Variants in ACAP3 observed in about 807,000 individuals in gnomAD.
ACAP3 encodes the protein arf-GAP with coiled-coil, ANK repeat and PH domain-containing protein 3.
ACAP3 carries 56 observed loss-of-function variants against 104.1 expected under a neutral mutation model. That is an observed-to-expected ratio of 0.54 (90% CI 0.43 to 0.67). ACAP3 has a LOEUF of 0.67. Ranked by LOEUF, ACAP3 falls within the 30% of genes least tolerant of loss-of-function variation. The pLI is 0.00. For missense variants in ACAP3, 1,208 were observed against 1,174.9 expected (o/e 1.03, Z -0.41); for synonymous variants, 628 against 496.2 (o/e 1.27, Z -3.53).
chr1:1,294,779 A>G lies in ACAP3; in HGVS notation c.1851T>C (p.Asp617=), dbSNP rs759270107. Reference sequence around the variant, plus strand: ...CGAAAGCCAGGACGTCCGAGCTGCCATCCGAGCTGCCCCCAAGGCCACTGT... The same window carrying G: ...CGAAAGCCAGGACGTCCGAGCTGCCGTCCGAGCTGCCCCCAAGGCCACTGT... ...SSDSGLGGSS[D]GSSDVLAFGS... Residue 617 remains aspartate (D), a synonymous_variant, in exon 20 of 24, where the codon GAT becomes GAC. Transcript: ENST00000354700. The G allele has an allele frequency of 3.9e-6, 6 of 1,549,748 alleles. No individual in the cohort carries two copies. Among genetic ancestry groups the G allele is most frequent in the Admixed American group, 2.0e-5 (1 of 50,964 alleles).
intron 11 of ACAP3, 69 bp downstream of exon 11, chr1:1,298,498 A>AG: frequency 5.6e-6 from 3 of 533,162 alleles, no homozygotes; most frequent in Non-Finnish European, 1.0e-5. Context: ...CCACCTGAGG[A>AG]CCCCACCCCC....
At position 1,294,446 on chromosome 1, in the gene ACAP3, C is replaced by T. The variant is rs368485636; in HGVS notation, c.2095G>A (p.Ala699Thr). 3.2e-6 allele frequency: 5 copies of T among 1,574,922 alleles called. No homozygotes were observed. The African/African-American group carries it at 5.5e-5, about 17-fold the overall frequency. ...AGCGGCGTCTTGCCCTCATCCTCCG[C>T]GTCCGCCCAGTTGACCTCGGCCCCG... Reference protein sequence around the residue: ...AHGAEVNWADAEDEGKTPLVQ... With the variant: ...AHGAEVNWADTEDEGKTPLVQ... Residue 699 changes from alanine to threonine, a missense_variant, in exon 21 of 24, where the codon GCG becomes ACG. Physicochemically the swap from Ala to Thr is moderately conservative, Grantham distance 58. Transcript: ENST00000354700.
intron 15 of ACAP3, 59 bp downstream of exon 15, chr1:1,296,366 G>A: frequency 1.3e-6 from 2 of 1,533,954 alleles, no homozygotes; most frequent in Non-Finnish European, 1.7e-6. Flanking sequence ...GCCCTCAGGG[G>A]CCCACCTGTG....
chr1:1,299,700 A>G (rs1156702357), intron 9 of ACAP3, 131 bp downstream of exon 9: 10 of 1,089,178 alleles, frequency 9.2e-6, no homozygotes, highest in Non-Finnish European at 1.2e-5. Flanking sequence ...TTGGTCCCCT[A>G]GAGAGGGTGT....
chr1:1,295,578 A>G (rs779914370), intron 18 of ACAP3, 24 bp from the exon 19 acceptor site: 12 of 1,607,330 alleles, frequency 7.5e-6, no homozygotes, highest in African/African-American at 4.0e-5. Flanking sequence ...GCGTGTTCAG[A>G]GTGTGGAACA....
chr1:1,295,612 C>G (rs1641097696), intron 18 of ACAP3, 58 bp from the exon 19 acceptor site: 1 of 1,580,700 alleles, frequency 6.3e-7, no homozygotes, highest in African/African-American at 1.4e-5. Context: ...GCAGGGAACC[C>G]CAGGTCACGC....
chr1:1,300,588 T>A lies in ACAP3; in HGVS notation c.443A>T (p.His148Leu). ...RNAQAPRHRP[H>L]EVEEATGALT... Reference sequence around the variant, plus strand: ...GGCCCCGGTGGCTTCCTCCACCTCGTGGGGCCGGTGCCTCGGGGCCTGGGC... The same window carrying A: ...GGCCCCGGTGGCTTCCTCCACCTCGAGGGGCCGGTGCCTCGGGGCCTGGGC... The change falls in exon 6 of 24, where the codon CAC becomes CTC. Residue 148 changes from histidine (H) to leucine (L), a missense_variant. Transcript: ENST00000354700. 2.5e-6 allele frequency: 4 copies of A among 1,610,870 alleles called. No individual in the cohort carries two copies. Among genetic ancestry groups the A allele is most frequent in the Non-Finnish European group, 3.4e-6 (4 of 1,179,318 alleles).
rs374627807 is a variant in ACAP3, at chr1:1,293,971, C to G, written c.2250-38G>C. The G allele has an allele frequency of 8.2e-4, 509 of 624,300 alleles. 2 individuals are homozygous for G. Among genetic ancestry groups the G allele is most frequent in the Middle Eastern group, 3.1e-3 (9 of 2,902 alleles). 38.7% of individuals were successfully genotyped at this position (624,300 alleles called of 1,614,324 possible). On this transcript the variant is annotated intron_variant, in intron 22 of 23. Transcript: ENST00000354700. ...GTCGGAGGGGCGTGTCGGGGCGGGG[C>G]GGGGCGGGGCGAGTGTGGTCGCGGG...
At chr1:1,293,993 C>T (rs544372915) in intron 22 of ACAP3, 60 bp from the exon 23 acceptor site, 22,740 of 1,461,774 alleles carry the variant, frequency 0.016, 226 homozygotes, top group South Asian at 0.02. Context: ...AGTGTGGTCG[C>T]GGGGGCGTGG....
At chr1:1,302,123 C>A in intron 4 of ACAP3, 77 bp from the exon 5 acceptor site, 1 of 1,278,056 alleles carries the variant, frequency 7.8e-7, no homozygotes, top group Middle Eastern at 2.3e-4. Flanking sequence ...TCCTCACCAG[C>A]AGAGGGCACT....
Position 1,295,514 on chromosome 1 carries a change from G to A in ACAP3, c.1746C>T (p.Phe582=). The change falls in exon 19 of 24, where the codon TTC becomes TTT. Residue 582 remains phenylalanine (F), a synonymous_variant. Coordinates refer to ENST00000354700, the MANE Select transcript of ACAP3 (RefSeq NM_030649.3). ...AGAGCGAGTCCAGCTCGTCGGGACAGAAGAGGGAGTCTCGGCGGAACTTAC... is the reference window on the plus strand; with the variant it reads ...AGAGCGAGTCCAGCTCGTCGGGACAAAAGAGGGAGTCTCGGCGGAACTTAC... ...LDRKFRRDSL[F]CPDELDSLFS... is the part of the protein sequence containing the mutation. The A allele has an allele frequency of 6.2e-7, 1 of 1,612,700 alleles. No individual in the cohort carries two copies. Among genetic ancestry groups the A allele is most frequent in the East Asian group, 2.2e-5 (1 of 44,876 alleles).
rs2100480211 is a variant in ACAP3 at position 1,304,115 on chromosome 1, C to T, written c.76G>A (p.Val26Met). Reference protein sequence around the residue: ...RATIDEVETDVVEIEAKLDKL... With the variant: ...RATIDEVETDMVEIEAKLDKL... Reference sequence around the variant, plus strand: ...TCCAGTTTGGCCTCAATCTCCACCACGTCCGTCTCCACCTCGTCAATGGTC... The same window carrying T: ...TCCAGTTTGGCCTCAATCTCCACCATGTCCGTCTCCACCTCGTCAATGGTC... The change falls in exon 2 of 24, where the codon GTG (valine) becomes ATG (methionine). Residue 26 changes from valine (V) to methionine (M), a missense_variant. Coordinates refer to ENST00000354700, the MANE Select transcript of ACAP3 (RefSeq NM_030649.3). The T allele has an allele frequency of 2.9e-5, 45 of 1,550,738 alleles. No individual in the cohort carries two copies. The highest frequency in any genetic ancestry group is 3.8e-5 in the Non-Finnish European group (44 of 1,146,884).
chr1:1,303,972 G>T lies in ACAP3; in HGVS notation c.105+114C>A. 1 of 1,267,002 alleles carries T rather than the reference G, an allele frequency of 7.9e-7. No individual in the cohort carries two copies. Among genetic ancestry groups the T allele is most frequent in the Non-Finnish European group, 1.1e-6 (1 of 905,710 alleles). The allele number at this position is 1,267,002 out of a possible 1,614,324, so 78.5% of individuals were successfully genotyped here. A position where few individuals can be genotyped will look rare whatever the true frequency, so the allele number is the denominator to read the frequency against. ...GGGACCAGGACCTGGAGCACCACAC[G>T]CATGCTCCACATATGGGGGGTGTAA... is the stretch of plus-strand genomic sequence containing the variant. On this transcript the variant is annotated intron_variant, in intron 2 of 23. Transcript: ENST00000354700. The surrounding 1 kb of genome is among the most constrained non-coding windows in gnomAD (Gnocchi z 4.0).
Position 1,293,830 on chromosome 1 carries a change from C to G in ACAP3, c.2353G>C (p.Val785Leu). The G allele has an allele frequency of 6.3e-7, 1 of 1,580,030 alleles. No homozygotes were observed. Among genetic ancestry groups the G allele is most frequent in the Non-Finnish European group, 8.6e-7 (1 of 1,167,490 alleles). ...IAVQAANADI[V>L]TLLRLARMAE... ...GGGCCCGGCCGCGCTCACAGTGTCACGATGTCAGCGTTGGCCGCCTGCACT... is the reference window on the plus strand; with the variant it reads ...GGGCCCGGCCGCGCTCACAGTGTCAGGATGTCAGCGTTGGCCGCCTGCACT... The change falls in exon 23 of 24, where the codon GTG becomes CTG. Residue 785 changes from valine to leucine, a missense_variant. Val to Leu is a conservative substitution (Grantham distance 32, BLOSUM62 1). Coordinates refer to ENST00000354700, the MANE Select transcript of ACAP3 (RefSeq NM_030649.3).
At chr1:1,299,023 C>T (rs992468397) in intron 10 of ACAP3, 6 of 556,334 alleles carry the variant, frequency 1.1e-5, no homozygotes, top group African/African-American at 5.8e-5. Context: ...GCCAGCTGGG[C>T]GGACAGAGCC....
At position 1,294,097 on chromosome 1, in the gene ACAP3, G is replaced by A. The variant is rs775819985; in HGVS notation, c.2242C>T (p.Arg748Cys). The A allele has an allele frequency of 8.3e-6, 13 of 1,573,464 alleles. No individual in the cohort carries two copies. The highest frequency in any genetic ancestry group is 1.0e-5 in the Non-Finnish European group (12 of 1,159,332). ...APLHHATLLG[R>C]TGQVCLFLKR... ...GTGGGTTGCGCGTCTCACCCGGTGC[G>A]GCCCAGCAGCGTGGCGTGGTGCAGG... The change falls in exon 22 of 24, where the codon CGC (arginine) becomes TGC (cysteine). Residue 748 changes from arginine to cysteine, a missense_variant. Coordinates refer to ENST00000354700, the MANE Select transcript of ACAP3 (RefSeq NM_030649.3).
At position 1,300,622 on chromosome 1, in the gene ACAP3, C is replaced by G; in HGVS notation, c.409G>C (p.Val137Leu). The G allele has an allele frequency of 1.2e-6, 2 of 1,607,962 alleles. No individual in the cohort carries two copies. The highest frequency in any genetic ancestry group is 2.2e-5 in the East Asian group (1 of 44,750). The part of the protein sequence containing the change: ...KVREDLELSL[V>L]RNAQAPRHRP... ...TGCCTCGGGGCCTGGGCGTTCCTCA[C>G]CAGGGACAGCTCCAGGTCCTCCCGC... Residue 137 changes from valine to leucine, a missense_variant, in exon 6 of 24, where the codon GTG (valine) becomes CTG (leucine). Transcript: ENST00000354700.
At chr1:1,302,795 T>TTCCCCC in intron 4 of ACAP3, 127 bp downstream of exon 4, 38 of 167,288 alleles carry the variant, frequency 2.3e-4, no homozygotes, top group Non-Finnish European at 3.3e-4. Flanking sequence ...AATGTGGGAT[T>TTCCCCC]CCCCCCCCCC....
At chr1:1,306,176 A>G (rs1460360146) in intron 1 of ACAP3, among the ~76,000 whole-genome samples, 2 of 152,140 alleles carry the variant, frequency 1.3e-5, no homozygotes, top group African/African-American at 4.8e-5. Context: ...GCAGCCCCAC[A>G]GCCCCCATAA....
Sources: gnomAD v4.1 joint callset for allele counts (sites outside exome capture counted in the v4.1 genomes callset) on GRCh38, gnomAD v4.1.1 for gene constraint, Gnocchi (gnomAD v3.1) non-coding constraint, MANE v1.5 for transcripts, NCBI Gene and HGNC (gene_info 2026-07-23, HGNC 2026-07-21) for gene names.